The following MACROD2 variants were observed in gnomAD, a reference collection of about 807,000 sequenced individuals.
MACROD2 encodes the protein mono-ADP ribosylhydrolase 2, also known as ADP-ribose glycohydrolase MACROD2.
A neutral mutation model predicts 70.4 loss-of-function variants in MACROD2; 36 were observed. The observed-to-expected ratio is 0.51, with a 90% CI of 0.39 to 0.68. The LOEUF (loss-of-function observed/expected upper bound fraction) is 0.68. Ranked by LOEUF, MACROD2 falls within the 30% of genes least tolerant of loss-of-function variation. MACROD2 has a pLI of 0.00. For missense variants in MACROD2, 496 were observed against 538.4 expected, an observed-to-expected ratio of 0.92 and a Z score of 0.78; for synonymous variants, 172 against 178.8, an observed-to-expected ratio of 0.96 and a Z score of 0.30.
chr20:15,336,044 G>A (rs1038682296), intron 6 of MACROD2, among the ~76,000 whole-genome samples: 3 of 151,588 alleles, frequency 2.0e-5, no homozygotes, highest in Non-Finnish European at 4.4e-5. Flanking sequence ...CACCAATAGG[G>A]TTGAAAATAC....
At position 14,937,993 on chromosome 20, in the gene MACROD2, C is replaced by G. The variant is rs192661612; in HGVS notation, c.418+253034C>G. Among the ~76,000 whole-genome samples, 221 of 141,092 alleles carry G rather than the reference C, an allele frequency of 1.6e-3. 1 individual carries two copies. The highest frequency in any genetic ancestry group is 2.7e-3 in the Admixed American group (37 of 13,498). 92.6% of individuals were successfully genotyped at this position (141,092 alleles called of 152,430 possible). On this transcript the variant is annotated intron_variant, in intron 5 of 17. Coordinates refer to ENST00000684519, the MANE Select transcript of MACROD2 (RefSeq NM_001351661.2). The stretch of plus-strand genomic sequence containing the variant: ...ACCACCAGTTCCATCCATGTTGCTG[C>G]AGATAACAAGTTTTTTTTTTTTTTT...
At chr20:15,844,061 T>C (rs1352205471) in intron 8 of MACROD2, among the ~76,000 whole-genome samples, 1 of 151,694 alleles carries the variant, frequency 6.6e-6, no homozygotes, top group African/African-American at 2.4e-5. Flanking sequence ...CCTGCACATA[T>C]ATGAGTAGCA....
intron 2 of MACROD2, among the ~76,000 whole-genome samples, chr20:14,039,468 C>A (rs1453154777): frequency 2.0e-5 from 3 of 152,028 alleles, no homozygotes; most frequent in Non-Finnish European, 2.9e-5. Context: ...ACAAACCCCA[C>A]TTTTAAATAA....
chr20:15,407,261 C>G (rs2046015677), intron 6 of MACROD2, among the ~76,000 whole-genome samples: 1 of 152,090 alleles, frequency 6.6e-6, no homozygotes, highest in Non-Finnish European at 1.5e-5. Context: ...AGTTAGCCAG[C>G]TAGGGATGGG....
chr20:15,935,045 G>A (rs745509603), intron 11 of MACROD2, among the ~76,000 whole-genome samples: 7 of 151,964 alleles, frequency 4.6e-5, no homozygotes, highest in Non-Finnish European at 8.8e-5. Flanking sequence ...ATGTACACAC[G>A]CACACTCACA....
At chr20:15,483,394 T>G (rs1463789797) in intron 7 of MACROD2, among the ~76,000 whole-genome samples, 3 of 152,186 alleles carry the variant, frequency 2.0e-5, no homozygotes, top group African/African-American at 7.2e-5. Context: ...GGACTCTGTA[T>G]TGTTTTCCAT....
At position 15,897,399 on chromosome 20, in the gene MACROD2, C is replaced by T. The variant is rs1039425350; in HGVS notation, c.775+11588C>T. Among the ~76,000 whole-genome samples, 7 of 152,074 alleles carry T rather than the reference C, an allele frequency of 4.6e-5. No individual in the cohort carries two copies. The South Asian group carries it at 1.5e-3, about 32-fold the overall frequency. On this transcript the variant is annotated intron_variant, in intron 10 of 17. Coordinates refer to ENST00000684519, the MANE Select transcript of MACROD2 (RefSeq NM_001351661.2). ...TAGGTATAGATTCATTTTTATATAT[C>T]CTTCTTAGAATTTGCTGTACTTCTT... is the stretch of plus-strand genomic sequence containing the variant.
At chr20:14,374,703 G>C (rs1430814484) in intron 3 of MACROD2, among the ~76,000 whole-genome samples, 4 of 152,016 alleles carry the variant, frequency 2.6e-5, no homozygotes, top group South Asian at 2.1e-4. Flanking sequence ...AAATAGCTCA[G>C]ATTTACACTT....
rs146248485 is a variant in MACROD2 at position 15,288,666 on chromosome 20, T to C, written c.540+58605T>C. On this transcript the variant is annotated intron_variant, in intron 6 of 17. Transcript: ENST00000684519. ...GTCCTTGCACATTGGAACTCTGGGT[T>C]CTCTGGTCTTCGGACTCTGGAACTT... Among the ~76,000 whole-genome samples the C allele has an allele frequency of 4.4e-3, 668 of 152,228 alleles. 7 individuals are homozygous for C. Among genetic ancestry groups the C allele is most frequent in the African/African-American group, 0.016 (645 of 41,532 alleles).
At chr20:15,810,824 C>T (rs1368909089) in intron 8 of MACROD2, among the ~76,000 whole-genome samples, 2 of 151,802 alleles carry the variant, frequency 1.3e-5, no homozygotes, top group African/African-American at 4.8e-5. Flanking sequence ...CTGACAAAAA[C>T]AAGCAATGGG....
intron 4 of MACROD2, among the ~76,000 whole-genome samples, chr20:14,657,886 T>C (rs1986050414): frequency 6.6e-6 from 1 of 152,178 alleles, no homozygotes; most frequent in South Asian, 2.1e-4. Flanking sequence ...ACACTCATTT[T>C]GATAAGCAGA....
At chr20:14,218,865 A>G (rs146090058) in intron 3 of MACROD2, among the ~76,000 whole-genome samples, 322 of 152,298 alleles carry the variant, frequency 2.1e-3, no homozygotes, top group Admixed American at 3.6e-3. Context: ...TAAGTCCCCA[A>G]TTGCTTTTAG....
intron 5 of MACROD2, among the ~76,000 whole-genome samples, chr20:15,060,198 C>A (rs1383164441): frequency 6.6e-6 from 1 of 152,168 alleles, no homozygotes; most frequent in Non-Finnish European, 1.5e-5. Flanking sequence ...GCTGGAATTC[C>A]ATTTCCAAGA....
chr20:14,075,688 C>T (rs937678810), intron 2 of MACROD2, among the ~76,000 whole-genome samples: 3 of 152,166 alleles, frequency 2.0e-5, no homozygotes, highest in African/African-American at 7.2e-5. Flanking sequence ...ATCCTTCTGT[C>T]CATATCTGCC....
intron 5 of MACROD2, among the ~76,000 whole-genome samples, chr20:14,797,715 A>G (rs2072527030): frequency 6.6e-6 from 1 of 152,026 alleles, no homozygotes; most frequent in Non-Finnish European, 1.5e-5. Flanking sequence ...GCACTGGGAT[A>G]TGGGCTATGA....
rs537110078 is a variant in MACROD2 at position 14,820,928 on chromosome 20, C to T, written c.418+135969C>T. Reference sequence around the variant, plus strand: ...CATTATGCCCGGATGATGTGCGTTGCGTGGAAAGCCTCCGGAACCGTAAAC... The same window carrying T: ...CATTATGCCCGGATGATGTGCGTTGTGTGGAAAGCCTCCGGAACCGTAAAC... On this transcript the variant is annotated intron_variant, in intron 5 of 17. Coordinates refer to ENST00000684519, the MANE Select transcript of MACROD2 (RefSeq NM_001351661.2). Among the ~76,000 whole-genome samples, 10 of 152,086 alleles carry T rather than the reference C, an allele frequency of 6.6e-5. No homozygotes were observed. In the East Asian group the frequency reaches 9.7e-4, roughly 15 times the overall value.
At chr20:14,869,008 G>A (rs1469337204) in intron 5 of MACROD2, among the ~76,000 whole-genome samples, 1 of 152,126 alleles carries the variant, frequency 6.6e-6, no homozygotes, top group Non-Finnish European at 1.5e-5. Flanking sequence ...CAAATTATCA[G>A]GAACTCCAAA....
chr20:14,051,435 C>G (rs2053565459), intron 2 of MACROD2, among the ~76,000 whole-genome samples: 1 of 152,216 alleles, frequency 6.6e-6, no homozygotes, highest in East Asian at 1.9e-4. Flanking sequence ...CCCTATTATT[C>G]CTGGACGTTT....
At chr20:15,905,231 C>T (rs1407519514) in intron 10 of MACROD2, among the ~76,000 whole-genome samples, 1 of 152,130 alleles carries the variant, frequency 6.6e-6, no homozygotes. Context: ...GCAACACTCT[C>T]GTTTCACAGA....
Sources: gnomAD v4.1 joint callset for allele counts (sites outside exome capture counted in the v4.1 genomes callset) on GRCh38, gnomAD v4.1.1 for gene constraint, MANE v1.5 for transcripts, NCBI Gene and HGNC (gene_info 2026-07-23, HGNC 2026-07-21) for gene names.